CCDC125: variants seen among roughly 807,000 people sequenced by gnomAD.
CCDC125 encodes coiled-coil domain-containing protein 125.
A neutral mutation model predicts 57.4 loss-of-function variants in CCDC125; 43 were observed. The observed-to-expected ratio is 0.75, with a 90% CI of 0.59 to 0.97. The LOEUF is 0.97. CCDC125 is among the 50% of genes least tolerant of loss of function. The pLI is 0.00. For synonymous variants in CCDC125, 187 were observed against 195.2 expected (o/e 0.96, Z 0.35); for missense variants, 563 against 595.7 (o/e 0.95, Z 0.57).
At chr5:69,328,501 A>G (rs905067069) in intron 1 of CCDC125, among the ~76,000 whole-genome samples, 3 of 151,978 alleles carry the variant, frequency 2.0e-5, no homozygotes, top group Non-Finnish European at 2.9e-5. Context: ...TAAAATAAAA[A>G]TAAAAATAAA....
At chr5:69,321,071 T>C (rs533667964) in intron 1 of CCDC125, among the ~76,000 whole-genome samples, 47 of 152,242 alleles carry the variant, frequency 3.1e-4, no homozygotes, top group African/African-American at 1.1e-3. Context: ...AAGTCCTAGT[T>C]AGACAGGAAG....
the CCDC125 span, among the ~76,000 whole-genome samples, chr5:69,273,436 G>A: frequency 6.6e-6 from 1 of 152,040 alleles, no homozygotes; most frequent in South Asian, 2.1e-4. Context: ...TAGTTTGTTC[G>A]GCTTATTTTT....
At position 69,294,878 on chromosome 5, in the gene CCDC125, A is replaced by C. The variant is rs752469725; in HGVS notation, c.839T>G (p.Leu280Arg). 1.2e-6 allele frequency: 2 copies of C among 1,613,964 alleles called. No homozygotes were observed. The highest frequency in any genetic ancestry group is 2.2e-5 in the South Asian group (2 of 91,038). Residue 280 changes from leucine to arginine, a missense_variant, in exon 9 of 12, where the codon CTT (leucine) becomes CGT (arginine). By Grantham distance (102) the Leu-to-Arg change is moderately radical. Coordinates refer to ENST00000396496, the MANE Select transcript of CCDC125 (RefSeq NM_176816.5). ...GLELAVLGAC[L>R]CHGPGGNPCS... The stretch of plus-strand genomic sequence containing the variant: ...GGGGTTCCCTCCGGGCCCATGACAA[A>C]GGCAGGCTCCGAGGACCGCAAGCTT...
At chr5:69,276,794 C>A, downstream of CCDC125, 2 of 970,562 alleles carry the variant, frequency 2.1e-6, no homozygotes, top group Non-Finnish European at 3.1e-6. Flanking sequence ...AGCTTGCTAG[C>A]TATTTAATTT....
chr5:69,302,945 T>C (rs899924382), intron 7 of CCDC125, among the ~76,000 whole-genome samples: 1 of 152,130 alleles, frequency 6.6e-6, no homozygotes, highest in African/African-American at 2.4e-5. Flanking sequence ...AGGTAGGAGA[T>C]TTTACTTTGG....
intron 1 of CCDC125, 27 bp downstream of exon 1, chr5:69,332,622 T>C (rs1761551795): frequency 6.6e-6 from 1 of 152,342 alleles, no homozygotes; most frequent in African/African-American, 2.4e-5. Context: ...GCCCCTGCCC[T>C]GGGTCCTCCC....
chr5:69,275,543 T>C (rs1433166644), downstream of CCDC125, among the ~76,000 whole-genome samples: 1 of 152,170 alleles, frequency 6.6e-6, no homozygotes, highest in Non-Finnish European at 1.5e-5. Context: ...ATATCCGAAA[T>C]CTGAAATGCT....
rs1752594824 is a variant in CCDC125, at chr5:69,282,639, ACTT to A, written c.*87_*89del. ...TTTAGAAATACCTAGGAAACATACA[ACTT>A]CTCAAGATGCAGCAAAATTTACAAA... On this transcript the variant is annotated 3_prime_UTR_variant, in exon 12 of 12. Coordinates refer to ENST00000396496, the MANE Select transcript of CCDC125 (RefSeq NM_176816.5). 9.2e-7 allele frequency: 1 copy of A among 1,086,192 alleles called. No individual in the cohort carries two copies. Among genetic ancestry groups the A allele is most frequent in the Non-Finnish European group, 1.3e-6 (1 of 754,200 alleles). The allele number at this position is 1,086,192 out of a possible 1,614,324, so 67.3% of individuals were successfully genotyped here.
intron 8 of CCDC125, among the ~76,000 whole-genome samples, chr5:69,295,855 C>G (rs1436833647): frequency 6.6e-6 from 1 of 151,740 alleles, no homozygotes; most frequent in South Asian, 2.1e-4. Context: ...TATAAGCCAG[C>G]ACAAACTTCT....
At chr5:69,307,697 G>T in intron 5 of CCDC125, 2 of 356,520 alleles carry the variant, frequency 5.6e-6, no homozygotes, top group Non-Finnish European at 1.0e-5. Flanking sequence ...AAAAAAAAAA[G>T]AAGAAGAAAT....
At chr5:69,321,255 T>C (rs1759974634) in intron 1 of CCDC125, among the ~76,000 whole-genome samples, 1 of 152,190 alleles carries the variant, frequency 6.6e-6, no homozygotes, top group Non-Finnish European at 1.5e-5. Flanking sequence ...CCACATTGTA[T>C]TCATAAATCA....
intron 1 of CCDC125, 25 bp from the exon 2 acceptor site, chr5:69,320,605 A>C: frequency 9.2e-7 from 1 of 1,090,034 alleles, no homozygotes; most frequent in Admixed American, 2.2e-5. Context: ...AACAGTAGTT[A>C]GGAAAACATC....
intron 10 of CCDC125, among the ~76,000 whole-genome samples, chr5:69,290,362 G>A (rs1754203767): frequency 6.6e-6 from 1 of 151,238 alleles, no homozygotes; most frequent in Non-Finnish European, 1.5e-5. Context: ...GAGTACAGTG[G>A]CGCAATCTTG....
At chr5:69,277,660 C>G (rs983684273), downstream of CCDC125, among the ~76,000 whole-genome samples, 1 of 151,926 alleles carries the variant, frequency 6.6e-6, no homozygotes, top group African/African-American at 2.4e-5. Context: ...GTCCCAGCTA[C>G]TCAGGAGGCT....
chr5:69,274,365 C>T, the CCDC125 span, among the ~76,000 whole-genome samples: 5 of 152,104 alleles, frequency 3.3e-5, no homozygotes, highest in African/African-American at 9.7e-5. Context: ...GCCGGTGCAT[C>T]GGCTCACACC....
At chr5:69,278,703 C>CTT (rs34258569), downstream of CCDC125, among the ~76,000 whole-genome samples, 31,808 of 107,984 alleles carry the variant, frequency 0.29, 5,642 homozygotes, top group East Asian at 0.37. Context: ...TCTCTCTCTC[C>CTT]TTTTTTTTTT....
In CCDC125 at chr5:69,320,324, T is replaced by C. The variant is rs772085262; in HGVS notation, c.217A>G (p.Ser73Gly). 6.2e-7 allele frequency: 1 copy of C among 1,614,066 alleles called. No individual in the cohort carries two copies. Among genetic ancestry groups the C allele is most frequent in the South Asian group, 1.1e-5 (1 of 91,080 alleles). ...PRKGEERNEA[S>G]FQYSKHKSQQ... ...CTCTTATGCTTGGAATACTGAAAAC[T>C]CGCTTCATTTCTTTCTTCTCCCTTT... The change falls in exon 2 of 12, where the codon AGT becomes GGT. Residue 73 changes from serine to glycine, a missense_variant. By Grantham distance (56) the Ser-to-Gly change is moderately conservative. Coordinates refer to ENST00000396496, the MANE Select transcript of CCDC125 (RefSeq NM_176816.5).
At chr5:69,303,826 T>G in intron 7 of CCDC125, 21 bp downstream of exon 7, 2 of 1,405,580 alleles carry the variant, frequency 1.4e-6, no homozygotes, top group Non-Finnish European at 2.0e-6. Context: ...CATGTGCTCT[T>G]AATACAAAAA....
At chr5:69,288,611 C>T (rs917446304) in intron 10 of CCDC125, among the ~76,000 whole-genome samples, 3 of 152,140 alleles carry the variant, frequency 2.0e-5, no homozygotes, top group African/African-American at 2.4e-5. Flanking sequence ...AACTGGTAAA[C>T]GGAAGTGTTT....
Sources: allele counts gnomAD v4.1 joint callset (sites outside exome capture counted in the v4.1 genomes callset), GRCh38; gene constraint gnomAD v4.1.1; transcripts MANE v1.5; gene names NCBI Gene and HGNC (gene_info 2026-07-23, HGNC 2026-07-21).